Variants in SPI1 observed in about 807,000 individuals in gnomAD.
SPI1 encodes the protein transcription factor PU.1.
SPI1 carries 3 observed loss-of-function variants against 30.7 expected under a neutral mutation model. The observed-to-expected ratio is 0.10, with a 90% CI of 0.04 to 0.25. The LOEUF (loss-of-function observed/expected upper bound fraction) is 0.25. Ranked by LOEUF, SPI1 falls within the 10% of genes least tolerant of loss-of-function variation. SPI1 has a pLI of 1.00. For synonymous variants in SPI1, 169 were observed against 157.1 expected, an observed-to-expected ratio of 1.08 and a Z score of -0.56; for missense variants, 261 against 371.5, an observed-to-expected ratio of 0.70 and a Z score of 2.45.
At chr11:47,376,838 C>T (rs1279287117) in intron 1 of SPI1, among the ~76,000 whole-genome samples, 3 of 152,150 alleles carry the variant, frequency 2.0e-5, no homozygotes, top group African/African-American at 7.2e-5. Flanking sequence ...TGGGAGCCCA[C>T]CCTACCAGGA....
intron 2 of SPI1, among the ~76,000 whole-genome samples, chr11:47,367,807 G>C (rs759425850): frequency 1.3e-4 from 17 of 135,234 alleles, no homozygotes; most frequent in Non-Finnish European, 2.0e-4. Flanking sequence ...GCCCAGGCTG[G>C]AGTGCAGTGG....
chr11:47,375,715 C>A lies in SPI1; in HGVS notation c.60G>T (p.Leu20=), dbSNP rs776061818. ...GGTATAGATCCGTGTCATAGGGCAC[C>A]AGGTCTTCTGATGGCTGCTGAGAGA... The part of the protein sequence containing the change: ...FPLVPPPSED[L]VPYDTDLYQR... Residue 20 remains leucine, a synonymous_variant, in exon 2 of 5, where the codon CTG becomes CTT. Coordinates refer to ENST00000378538, the MANE Select transcript of SPI1 (RefSeq NM_003120.3). The surrounding 1 kb of genome is among the most constrained non-coding windows in gnomAD (Gnocchi z 4.2). The A allele has an allele frequency of 1.2e-6, 2 of 1,613,796 alleles. No homozygotes were observed. The highest frequency in any genetic ancestry group is 1.7e-6 in the Non-Finnish European group (2 of 1,179,842).
rs1365969201 is a variant in SPI1 at position 47,355,417 on chromosome 11, G to A, written c.623C>T (p.Ala208Val). Reference sequence around the variant, plus strand: ...CTGGATGCCCCAGCGGTGCGCCAGCGCCTCCTTGTGCTTGGACGAGAACTG... The same window carrying A: ...CTGGATGCCCCAGCGGTGCGCCAGCACCTCCTTGTGCTTGGACGAGAACTG... ...TFQFSSKHKE[A>V]LAHRWGIQKG... The change falls in exon 5 of 5, where the codon GCG (alanine) becomes GTG (valine). Residue 208 changes from alanine (A) to valine (V), a missense_variant. Physicochemically the swap from Ala to Val is moderately conservative, Grantham distance 64 (BLOSUM62 0). Around this residue, in one of 5 missense-constraint regions of SPI1, gnomAD observed 43 missense variants for 123.8 expected, o/e 0.35. Coordinates refer to ENST00000378538, the MANE Select transcript of SPI1 (RefSeq NM_003120.3). The A allele has an allele frequency of 1.9e-6, 3 of 1,613,826 alleles. No individual in the cohort carries two copies. Among genetic ancestry groups the A allele is most frequent in the Admixed American group, 1.7e-5 (1 of 60,008 alleles).
intron 4 of SPI1, among the ~76,000 whole-genome samples, chr11:47,357,137 T>C (rs1160583997): frequency 4.0e-5 from 6 of 149,696 alleles, no homozygotes; most frequent in African/African-American, 1.5e-4. Context: ...ACCTCACACA[T>C]GCTCACACCT....
chr11:47,366,422 G>C (rs2095928177), intron 2 of SPI1, among the ~76,000 whole-genome samples: 1 of 152,134 alleles, frequency 6.6e-6, no homozygotes, highest in Non-Finnish European at 1.5e-5. Flanking sequence ...GCTCTTCCCA[G>C]GGGAGCAAAA....
chr11:47,363,096 C>T (rs1158209807), intron 2 of SPI1, among the ~76,000 whole-genome samples: 1 of 152,210 alleles, frequency 6.6e-6, no homozygotes, highest in Non-Finnish European at 1.5e-5. Flanking sequence ...GCAGTTGAAG[C>T]CCAAGCATGG....
intron 2 of SPI1, among the ~76,000 whole-genome samples, chr11:47,361,772 T>G (rs1000608258): frequency 2.0e-5 from 3 of 152,178 alleles, no homozygotes; most frequent in Non-Finnish European, 4.4e-5. Context: ...ACATCCCTAA[T>G]AGATAATCAT....
At position 47,356,171 on chromosome 11, in the gene SPI1, C is replaced by T. The variant is rs544080673; in HGVS notation, c.494-625G>A. Among the ~76,000 whole-genome samples, 90 of 151,764 alleles carry T rather than the reference C, an allele frequency of 5.9e-4. 1 individual carries two copies. Among genetic ancestry groups the T allele is most frequent in the African/African-American group, 2.1e-3 (88 of 41,360 alleles). The stretch of plus-strand genomic sequence containing the variant: ...CCACATCTGCCCTCACACACTGTCA[C>T]TTTCTCACACACCCACACAATGCAC... On this transcript the variant is annotated intron_variant, in intron 4 of 4. Coordinates refer to ENST00000378538, the MANE Select transcript of SPI1 (RefSeq NM_003120.3).
intron 4 of SPI1, among the ~76,000 whole-genome samples, chr11:47,356,898 CTGCTCACACACTTG>C (rs1420490756): frequency 3.3e-5 from 5 of 149,564 alleles, no homozygotes; most frequent in South Asian, 4.3e-4. Context: ...ACACACGCCC[CTGCTCACACACTTG>C]TGCTCACACA....
intron 2 of SPI1, among the ~76,000 whole-genome samples, chr11:47,361,882 T>A (rs553393377): frequency 7.5e-6 from 1 of 133,450 alleles, no homozygotes; most frequent in East Asian, 2.2e-4. Flanking sequence ...AGCCTCTCAT[T>A]CCCCACTCTA....
intron 2 of SPI1, among the ~76,000 whole-genome samples, chr11:47,366,837 G>GAAAAGAA (rs1565641682): frequency 1.3e-5 from 2 of 151,416 alleles, no homozygotes; most frequent in African/African-American, 2.4e-5. Flanking sequence ...GAAAAGAAAA[G>GAAAAGAA]AAAAGAAAAG....
Position 47,358,855 on chromosome 11 carries a change from G to C in SPI1, c.482C>G (p.Pro161Arg). 6.5e-7 allele frequency: 1 copy of C among 1,549,450 alleles called. No individual in the cohort carries two copies. The highest frequency in any genetic ancestry group is 8.7e-7 in the Non-Finnish European group (1 of 1,145,820). ...DGLEPGPGLLPGETGSKKKIR... is the reference protein window; with the variant it reads ...DGLEPGPGLLRGETGSKKKIR... Reference sequence around the variant, plus strand: ...GCCAGGTGCCCCACCTGTCTCCCCAGGCAGGAGCCCAGGCCCGGGCTCCAG... The same window carrying C: ...GCCAGGTGCCCCACCTGTCTCCCCACGCAGGAGCCCAGGCCCGGGCTCCAG... Residue 161 changes from proline to arginine, a missense_variant, in exon 4 of 5, where the codon CCT becomes CGT. This residue lies in a region of SPI1 where 106 missense variants were observed against 102.0 expected (regional missense o/e 1.04). Coordinates refer to ENST00000378538, the MANE Select transcript of SPI1 (RefSeq NM_003120.3).
chr11:47,375,587 C>A lies in SPI1; in HGVS notation c.142+46G>T. 6 of 1,435,676 alleles carry A rather than the reference C, an allele frequency of 4.2e-6. No homozygotes were observed. The highest frequency in any genetic ancestry group is 5.9e-6 in the Non-Finnish European group (6 of 1,017,636). The allele number at this position is 1,435,676 out of a possible 1,614,324, so 88.9% of individuals were successfully genotyped here. A position where few individuals can be genotyped will look rare whatever the true frequency, so the allele number is the denominator to read the frequency against. ...TTTTTCTCTCTCCAGACCCCAGGAG[C>A]CCAGGCTGGGCTGGGGGATGGGGGC... On this transcript the variant is annotated intron_variant, in intron 2 of 4. Transcript: ENST00000378538. This position sits in a 1 kb window ranked among gnomAD's most constrained non-coding sequence, Gnocchi z 4.2.
chr11:47,356,748 C>A (rs569883817), intron 4 of SPI1, among the ~76,000 whole-genome samples: 1 of 151,848 alleles, frequency 6.6e-6, no homozygotes, highest in Admixed American at 6.6e-5. Flanking sequence ...CATTCACTCA[C>A]ACATATCCAC....
chr11:47,355,263 G>C lies in SPI1; in HGVS notation c.777C>G (p.Arg259=). 1 of 1,505,332 alleles carries C rather than the reference G, an allele frequency of 6.6e-7. No individual in the cohort carries two copies. Among genetic ancestry groups the C allele is most frequent in the Non-Finnish European group, 8.9e-7 (1 of 1,128,632 alleles). 93.2% of individuals were successfully genotyped at this position (1,505,332 alleles called of 1,614,324 possible). Residue 259 remains arginine (R), a synonymous_variant, in exon 5 of 5, where the codon CGC becomes CGG. Transcript: ENST00000378538. The stretch of plus-strand genomic sequence containing the variant: ...GGTGGCGCCGCTCGGCCAGGCCCCC[G>C]CGGCCCAGCACTTCGCCGCTGAACT... ...TYQFSGEVLG[R]GGLAERRHPP... is the part of the protein sequence containing the mutation.
Position 47,355,118 on chromosome 11 carries a change from C to T in SPI1, c.*109G>A. 2.3e-6 allele frequency: 2 copies of T among 884,502 alleles called. No individual in the cohort carries two copies. The highest frequency in any genetic ancestry group is 3.0e-6 in the Non-Finnish European group (2 of 675,070). The allele number at this position is 884,502 out of a possible 1,614,324, so 54.8% of individuals were successfully genotyped here. A position where few individuals can be genotyped will look rare whatever the true frequency, so the allele number is the denominator to read the frequency against. The stretch of plus-strand genomic sequence containing the variant: ...GGGTGAGGCGAGGCCCGGCCCGCCA[C>T]AGTCCTGCCTCTGGGCCCCGGGAGC... On this transcript the variant is annotated 3_prime_UTR_variant, in exon 5 of 5. Coordinates refer to ENST00000378538, the MANE Select transcript of SPI1 (RefSeq NM_003120.3).
intron 4 of SPI1, among the ~76,000 whole-genome samples, chr11:47,355,763 C>T (rs971967458): frequency 1.5e-5 from 2 of 134,902 alleles, no homozygotes; most frequent in Admixed American, 1.5e-4. Context: ...CCCACTCACA[C>T]CCACGCACTC....
chr11:47,378,206 A>T, intron 1 of SPI1, 103 bp downstream of exon 1: 7 of 1,265,134 alleles, frequency 5.5e-6, no homozygotes, highest in Non-Finnish European at 7.9e-6. Context: ...CTTCCCACTG[A>T]TAGCAAGCCA....
rs2095917612 is a variant in SPI1, at chr11:47,359,630, T to G, written c.330+223A>C. ...GGAGGCTTGGTGAGGGTGCGAGAAT[T>G]ATCTGGGGTCTGTCCATACTCGGGG... is the stretch of plus-strand genomic sequence containing the variant. On this transcript the variant is annotated intron_variant, in intron 3 of 4. Coordinates refer to ENST00000378538, the MANE Select transcript of SPI1 (RefSeq NM_003120.3). This position sits in a 1 kb window ranked among gnomAD's most constrained non-coding sequence, Gnocchi z 5.1. Among the ~76,000 whole-genome samples the G allele has an allele frequency of 6.6e-6, 1 of 151,508 alleles. No homozygotes were observed.
Sources: gnomAD v4.1 joint callset for allele counts (sites outside exome capture counted in the v4.1 genomes callset) on GRCh38, gnomAD v4.1.1 for gene constraint, gnomAD v4.1.1 regional missense constraint, Gnocchi (gnomAD v3.1) non-coding constraint, MANE v1.5 for transcripts, NCBI Gene and HGNC (gene_info 2026-07-23, HGNC 2026-07-21) for gene names.